Variants in SEMA5A observed in about 807,000 individuals in gnomAD.
SEMA5A encodes the protein semaphorin 5A, also known as semaphorin-5A.
A neutral mutation model predicts 135.5 loss-of-function variants in SEMA5A; 55 were observed. The observed-to-expected ratio is 0.41, with a 90% confidence interval of 0.33 to 0.51. SEMA5A has a LOEUF of 0.51. Ranked by LOEUF, SEMA5A falls within the 20% of genes least tolerant of loss-of-function variation. The pLI, the probability that SEMA5A is intolerant of heterozygous loss-of-function variation, is 0.37. For synonymous variants in SEMA5A, 580 were observed against 546.5 expected (o/e 1.06, Z -0.85); for missense variants, 1,290 against 1,419.9 (o/e 0.91, Z 1.47).
intron 2 of SEMA5A, among the ~76,000 whole-genome samples, chr5:9,429,274 C>T (rs115601800): frequency 9.2e-5 from 14 of 152,270 alleles, no homozygotes; most frequent in African/African-American, 3.1e-4. Flanking sequence ...AGCCTTCCAG[C>T]TCTGTGTCCA....
chr5:9,244,045 A>G (rs1156466113), intron 5 of SEMA5A, among the ~76,000 whole-genome samples: 2 of 152,218 alleles, frequency 1.3e-5, no homozygotes, highest in African/African-American at 4.8e-5. Context: ...GCCCATTCAC[A>G]GCCCTAGAAT....
intron 3 of SEMA5A, among the ~76,000 whole-genome samples, chr5:9,343,894 C>T (rs1753754119): frequency 6.6e-6 from 1 of 152,102 alleles, no homozygotes; most frequent in African/African-American, 2.4e-5. Flanking sequence ...CCACGTGTAC[C>T]CCCAAAATAA....
intron 4 of SEMA5A, among the ~76,000 whole-genome samples, chr5:9,321,325 C>G (rs546847314): frequency 6.6e-6 from 1 of 152,070 alleles, no homozygotes; most frequent in Non-Finnish European, 1.5e-5. Flanking sequence ...TAGTACATAG[C>G]GGCACCAGGG....
intron 2 of SEMA5A, among the ~76,000 whole-genome samples, chr5:9,413,582 C>T (rs1757179013): frequency 6.6e-6 from 1 of 152,072 alleles, no homozygotes; most frequent in South Asian, 2.1e-4. Flanking sequence ...AATGATAAGG[C>T]CTGCTGGGGG....
Position 9,066,563 on chromosome 5 carries a change from A to G in SEMA5A, c.2157T>C (p.Ser719=), listed in dbSNP as rs768610493. Residue 719 remains serine (S), a synonymous_variant, in exon 17 of 23, where the codon TCT becomes TCC. Coordinates refer to ENST00000382496, the MANE Select transcript of SEMA5A (RefSeq NM_003966.3). ...GTTGCTCATAGTGGCCGCCGTTGTCAGAGATGTTGACAGGTGTCCAGGGTG... is the reference window on the plus strand; with the variant it reads ...GTTGCTCATAGTGGCCGCCGTTGTCGGAGATGTTGACAGGTGTCCAGGGTG... ...PWTPWTPVNI[S]DNGGHYEQRF... is the part of the protein sequence containing the mutation. The G allele has an allele frequency of 1.2e-6, 2 of 1,614,094 alleles. No individual in the cohort carries two copies. The highest frequency in any genetic ancestry group is 3.3e-5 in the Admixed American group (2 of 60,028).
At chr5:9,448,975 C>G (rs547954753) in intron 1 of SEMA5A, among the ~76,000 whole-genome samples, 3 of 152,152 alleles carry the variant, frequency 2.0e-5, no homozygotes, top group African/African-American at 4.8e-5. Flanking sequence ...TTGGTGGGAA[C>G]GTAAATTAAT....
intron 1 of SEMA5A, among the ~76,000 whole-genome samples, chr5:9,528,905 GGAGCCAC>G (rs143696655): frequency 1.0e-3 from 154 of 152,298 alleles, no homozygotes; most frequent in African/African-American, 3.7e-3. Context: ...GTTTCACCTG[GGAGCCAC>G]GAGTCTCTAG....
chr5:9,172,511 C>T (rs1391359830), intron 11 of SEMA5A, among the ~76,000 whole-genome samples: 1 of 152,146 alleles, frequency 6.6e-6, no homozygotes, highest in Non-Finnish European at 1.5e-5. Context: ...GTGATCACTT[C>T]AATACTAAAA....
At chr5:9,149,876 G>A (rs558801105) in intron 12 of SEMA5A, among the ~76,000 whole-genome samples, 1 of 152,328 alleles carries the variant, frequency 6.6e-6, no homozygotes, top group East Asian at 1.9e-4. Flanking sequence ...AAGCCTATGA[G>A]TTCTTGGCCA....
intron 5 of SEMA5A, among the ~76,000 whole-genome samples, chr5:9,289,585 A>G: frequency 6.6e-6 from 1 of 152,260 alleles, no homozygotes; most frequent in South Asian, 2.1e-4. Context: ...GAATCACTTG[A>G]ACCCAGGAGG....
chr5:9,121,711 A>AC (rs3842072), intron 14 of SEMA5A, among the ~76,000 whole-genome samples: 17,421 of 152,142 alleles, frequency 0.11, 1,540 homozygotes, highest in East Asian at 0.3. Flanking sequence ...ACAAAAAAAA[A>AC]CCCTAATCTC....
chr5:9,221,346 A>G (rs1448634150), intron 8 of SEMA5A, among the ~76,000 whole-genome samples: 3 of 125,836 alleles, frequency 2.4e-5, no homozygotes, highest in African/African-American at 9.3e-5. Context: ...TGTGTCACCC[A>G]GGCTGGAGTG....
At chr5:9,133,066 C>T (rs1741524217) in intron 13 of SEMA5A, among the ~76,000 whole-genome samples, 1 of 152,050 alleles carries the variant, frequency 6.6e-6, no homozygotes, top group African/African-American at 2.4e-5. Flanking sequence ...TTCTTAGCAA[C>T]ATATAAAGCA....
chr5:9,212,819 T>C (rs1194149926), intron 8 of SEMA5A, among the ~76,000 whole-genome samples: 2 of 152,206 alleles, frequency 1.3e-5, no homozygotes, highest in African/African-American at 4.8e-5. Context: ...ACAGAGCCCC[T>C]GCCCTTAAGG....
intron 1 of SEMA5A, among the ~76,000 whole-genome samples, chr5:9,536,623 A>T (rs2126363753): frequency 6.6e-6 from 1 of 151,620 alleles, no homozygotes; most frequent in Non-Finnish European, 1.5e-5. Context: ...AAAAAAGAAA[A>T]AAAAAAAAAG....
chr5:9,320,709 T>C (rs951838375), intron 4 of SEMA5A, among the ~76,000 whole-genome samples: 1 of 151,954 alleles, frequency 6.6e-6, no homozygotes, highest in Non-Finnish European at 1.5e-5. Context: ...CAGAGAGAGA[T>C]CCTGTCTCAA....
intron 15 of SEMA5A, among the ~76,000 whole-genome samples, chr5:9,111,142 T>C (rs1397754426): frequency 6.6e-6 from 1 of 152,166 alleles, no homozygotes; most frequent in Non-Finnish European, 1.5e-5. Flanking sequence ...CAGCATTTAG[T>C]TAAAATATCT....
intron 1 of SEMA5A, chr5:9,511,850 T>G (rs1736221876): frequency 6.6e-6 from 1 of 152,116 alleles, no homozygotes; most frequent in Admixed American, 6.5e-5. Flanking sequence ...TAAATAATAA[T>G]GAAGATGAAT....
At chr5:9,048,168 T>G (rs1343143158) in intron 21 of SEMA5A, among the ~76,000 whole-genome samples, 2 of 152,166 alleles carry the variant, frequency 1.3e-5, no homozygotes, top group Admixed American at 1.3e-4. Flanking sequence ...TCCAAGTGTG[T>G]TACCTAACCA....
Sources: gnomAD v4.1 joint callset for allele counts (sites outside exome capture counted in the v4.1 genomes callset) on GRCh38, gnomAD v4.1.1 for gene constraint, MANE v1.5 for transcripts, NCBI Gene and HGNC (gene_info 2026-07-23, HGNC 2026-07-21) for gene names.